GRTP1: variants seen among roughly 807,000 people sequenced by gnomAD.
The protein encoded by GRTP1 is growth hormone-regulated TBC protein 1.
Under a neutral mutation model 38.1 loss-of-function variants are expected in GRTP1, and 56 were observed. That is an observed-to-expected ratio of 1.47 (90% confidence interval 1.19 to 1.84). GRTP1 has a LOEUF of 1.84. Ranked by LOEUF, GRTP1 falls within the 40% of genes most tolerant of loss-of-function variation. The pLI, the probability that GRTP1 is intolerant of heterozygous loss-of-function variation, is 0.00. For synonymous variants in GRTP1, 217 were observed against 189.5 expected (o/e 1.14, Z -1.19); for missense variants, 506 against 453.9 (o/e 1.11, Z -1.04).
chr13:113,337,168 C>T (rs569204258), intron 5 of GRTP1, among the ~76,000 whole-genome samples: 5 of 152,236 alleles, frequency 3.3e-5, no homozygotes, highest in East Asian at 1.9e-4. Context: ...GTGGTGCACA[C>T]CTGCAGTCCC....
intron 4 of GRTP1, among the ~76,000 whole-genome samples, chr13:113,346,197 A>C (rs1383643662): frequency 7.2e-6 from 1 of 138,588 alleles, no homozygotes; most frequent in Non-Finnish European, 1.5e-5. Context: ...TGTGGCTGAG[A>C]GCAGACCCGG....
At chr13:113,328,544 G>A (rs2042809654) in intron 5 of GRTP1, among the ~76,000 whole-genome samples, 1 of 151,954 alleles carries the variant, frequency 6.6e-6, no homozygotes, top group Non-Finnish European at 1.5e-5. Flanking sequence ...TTTTGAGACA[G>A]GGTCTCACTC....
intron 3 of GRTP1, among the ~76,000 whole-genome samples, chr13:113,354,344 C>G (rs1481596640): frequency 6.6e-6 from 1 of 152,120 alleles, no homozygotes; most frequent in Non-Finnish European, 1.5e-5. Flanking sequence ...GGACAGGAGA[C>G]CCCCAGGAAG....
rs2042727771 is a variant in GRTP1 at position 113,324,337 on chromosome 13, T to C, written c.*151A>G. ...AAAAGCTGGTAGAATGACCTGATTT[T>C]AAACTGCTCTTTTAAAAAATTCACA... On this transcript the variant is annotated 3_prime_UTR_variant, in exon 8 of 8. Coordinates refer to ENST00000375431, the MANE Select transcript of GRTP1 (RefSeq NM_024719.4). 3 of 1,219,634 alleles carry C rather than the reference T, an allele frequency of 2.5e-6. No individual in the cohort carries two copies. Among genetic ancestry groups the C allele is most frequent in the Non-Finnish European group, 3.2e-6 (3 of 940,996 alleles). 75.6% of individuals were successfully genotyped at this position (1,219,634 alleles called of 1,614,324 possible).
intron 3 of GRTP1, among the ~76,000 whole-genome samples, chr13:113,352,380 A>ATATATATTTTATATATATATATATT (rs2043303781): frequency 7.5e-6 from 1 of 133,442 alleles, no homozygotes; most frequent in Non-Finnish European, 1.5e-5. Flanking sequence ...ATATATATTT[A>ATATATATTTTATATATATATATATT]TATATATATT....
At chr13:113,337,363 C>T (rs1278481326) in intron 5 of GRTP1, among the ~76,000 whole-genome samples, 1 of 152,116 alleles carries the variant, frequency 6.6e-6, no homozygotes, top group East Asian at 1.9e-4. Flanking sequence ...GAAAACTGAG[C>T]AATTACTTAA....
chr13:113,346,215 TCTGTGGCTGAGAACAGACCC>T (rs2043122885), intron 4 of GRTP1, among the ~76,000 whole-genome samples: 1 of 132,596 alleles, frequency 7.5e-6, no homozygotes, highest in Non-Finnish European at 1.6e-5. Flanking sequence ...CGGGAGGACC[TCTGTGGCTGAGAACAGACCC>T]GGGAGGACCT....
intron 5 of GRTP1, among the ~76,000 whole-genome samples, chr13:113,340,677 G>A (rs1167037312): frequency 6.6e-6 from 1 of 152,054 alleles, no homozygotes; most frequent in East Asian, 1.9e-4. Flanking sequence ...CTACTCAGGA[G>A]GCTGAGGCAG....
rs2043223503 is a variant in GRTP1, at chr13:113,349,543, G to A, written c.465+1306C>T. ...CTGGACAGTCATAAAAGTGAGGAAT[G>A]GCAGGAATTCTGTCTGCAAAGGAGG... is the stretch of plus-strand genomic sequence containing the variant. On this transcript the variant is annotated intron_variant, in intron 4 of 7. Transcript: ENST00000375431. This position sits in a 1 kb window ranked among gnomAD's most constrained non-coding sequence, Gnocchi z 5.0. Among the ~76,000 whole-genome samples the A allele has an allele frequency of 6.6e-6, 1 of 152,352 alleles. No individual in the cohort carries two copies. Among genetic ancestry groups the A allele is most frequent in the East Asian group, 1.9e-4 (1 of 5,190 alleles).
chr13:113,329,583 CAAAAAAT>C (rs1480944202), intron 5 of GRTP1, among the ~76,000 whole-genome samples: 1 of 151,796 alleles, frequency 6.6e-6, no homozygotes, highest in African/African-American at 2.4e-5. Flanking sequence ...AACTCCATCT[CAAAAAAT>C]AAAAAATAAA....
At chr13:113,329,701 T>A (rs2139400772) in intron 5 of GRTP1, among the ~76,000 whole-genome samples, 1 of 152,344 alleles carries the variant, frequency 6.6e-6, no homozygotes, top group African/African-American at 2.4e-5. Context: ...TCCAAGTGTT[T>A]CTAAAATAGC....
intron 4 of GRTP1, among the ~76,000 whole-genome samples, chr13:113,346,080 A>AAAGAGCAGACCCAGGAG: frequency 1.5e-4 from 1 of 6,686 alleles, no homozygotes; most frequent in African/African-American, 5.0e-4. Flanking sequence ...GCGGCTGAGC[A>AAAGAGCAGACCCAGGAG]GACCTGGGAA....
Position 113,350,853 on chromosome 13 carries a change from C to T in GRTP1, c.461G>A (p.Cys154Tyr). 1 of 1,570,486 alleles carries T rather than the reference C, an allele frequency of 6.4e-7. No homozygotes were observed. Among genetic ancestry groups the T allele is most frequent in the Non-Finnish European group, 8.7e-7 (1 of 1,150,116 alleles). ...YGHHNQGVGYCQGMNFIAGYL... is the reference protein window; with the variant it reads ...YGHHNQGVGYYQGMNFIAGYL... ...TCAGAGGGTCCCGAGGCTCACCTGG[C>T]AGTAGCCCACTCCCTGGTTATGGTG... Residue 154 changes from cysteine to tyrosine, a missense_variant, in exon 4 of 8, where the codon TGC (cysteine) becomes TAC (tyrosine). Cys to Tyr is a radical substitution (Grantham distance 194). Coordinates refer to ENST00000375431, the MANE Select transcript of GRTP1 (RefSeq NM_024719.4).
At position 113,324,461 on chromosome 13, in the gene GRTP1, G is replaced by A. The variant is rs754803642; in HGVS notation, c.*27C>T. The stretch of plus-strand genomic sequence containing the variant: ...TGGAAAGGGGCATCGTCAGTGTAGA[G>A]ACGAGCAACGCAGGGGACAGGCACG... On this transcript the variant is annotated 3_prime_UTR_variant, in exon 8 of 8. Transcript: ENST00000375431. 15 of 1,578,460 alleles carry A rather than the reference G, an allele frequency of 9.5e-6. No homozygotes were observed. Among genetic ancestry groups the A allele is most frequent in the African/African-American group, 1.4e-5 (1 of 73,872 alleles).
chr13:113,363,181 G>T (rs1327826934), intron 2 of GRTP1, among the ~76,000 whole-genome samples: 2 of 152,284 alleles, frequency 1.3e-5, no homozygotes, highest in Non-Finnish European at 2.9e-5. Flanking sequence ...GCCTGGGGTC[G>T]CGGAGGAGCG....
chr13:113,330,467 A>G (rs1388079101), intron 5 of GRTP1, among the ~76,000 whole-genome samples: 87 of 23,088 alleles, frequency 3.8e-3, no homozygotes, highest in Middle Eastern at 0.026. Flanking sequence ...TGTGTGCATA[A>G]AAACCCAGGT....
intron 3 of GRTP1, among the ~76,000 whole-genome samples, chr13:113,353,485 C>A (rs1025045343): frequency 6.6e-6 from 1 of 152,204 alleles, no homozygotes; most frequent in Admixed American, 6.5e-5. Context: ...AGGACTGAGG[C>A]GAGGGAAAGG....
intron 5 of GRTP1, among the ~76,000 whole-genome samples, chr13:113,338,940 C>G (rs1210250463): frequency 8.3e-6 from 1 of 121,070 alleles, no homozygotes; most frequent in East Asian, 2.5e-4. Context: ...TGAGACGGAG[C>G]TTCACTCTTG....
At chr13:113,362,282 A>T (rs2043512784) in intron 2 of GRTP1, among the ~76,000 whole-genome samples, 1 of 152,188 alleles carries the variant, frequency 6.6e-6, no homozygotes, top group South Asian at 2.1e-4. Context: ...GTCAGCTGAG[A>T]TCGCACCACT....
Sources: gnomAD v4.1 joint callset for allele counts (sites outside exome capture counted in the v4.1 genomes callset) on GRCh38, gnomAD v4.1.1 for gene constraint, Gnocchi (gnomAD v3.1) non-coding constraint, MANE v1.5 for transcripts, NCBI Gene and HGNC (gene_info 2026-07-23, HGNC 2026-07-21) for gene names.